The following MYLK variants were observed in gnomAD, a reference collection of about 807,000 sequenced individuals.
MYLK encodes the protein myosin light chain kinase, also known as myosin light chain kinase, smooth muscle.
MYLK carries 106 observed loss-of-function variants against 203.4 expected under a neutral mutation model. The observed-to-expected ratio is 0.52, with a 90% CI of 0.45 to 0.61. The LOEUF (loss-of-function observed/expected upper bound fraction) is 0.61. Among genes scored for constraint, MYLK ranks in the 20% least tolerant of loss-of-function variants. The pLI is 0.00. For missense variants in MYLK, 2,072 were observed against 2,442.3 expected (o/e 0.85, Z 3.20); for synonymous variants, 867 against 959.5 (o/e 0.90, Z 1.78).
At chr3:123,867,763 C>G (rs1323124023) in intron 2 of MYLK, among the ~76,000 whole-genome samples, 1 of 152,192 alleles carries the variant, frequency 6.6e-6, no homozygotes, top group African/African-American at 2.4e-5. Context: ...ACAACCCAAA[C>G]AAATGCATAC....
Position 123,722,263 on chromosome 3 carries a change from C to A in MYLK, c.1669G>T (p.Ala557Ser). The A allele has an allele frequency of 1.3e-6, 2 of 1,569,852 alleles. No individual in the cohort carries two copies. Among genetic ancestry groups the A allele is most frequent in the Non-Finnish European group, 1.7e-6 (2 of 1,156,766 alleles). The change falls in exon 13 of 34, where the codon GCT becomes TCT. Residue 557 changes from alanine to serine, a missense_variant. Around this residue, in one of 3 missense-constraint regions of MYLK, gnomAD observed 865 missense variants for 1,016.0 expected, o/e 0.85. Coordinates refer to ENST00000360304, the MANE Select transcript of MYLK (RefSeq NM_053025.4). ...WLLNGQPIQY[A>S]RSTCEAGVAE... The stretch of plus-strand genomic sequence containing the variant: ...ACGCCGGCCTCGCAGGTGGAGCGAG[C>A]GTACTGGATGGGCTGCCCTGTGGAG...
chr3:123,646,064 C>T (rs1192873224), intron 27 of MYLK, among the ~76,000 whole-genome samples: 1 of 152,150 alleles, frequency 6.6e-6, no homozygotes, highest in Non-Finnish European at 1.5e-5. Flanking sequence ...GCGGAGGTTG[C>T]AATAAGCCGA....
chr3:123,728,582 AAACAAC>A (rs60294228), intron 11 of MYLK, among the ~76,000 whole-genome samples: 44 of 151,664 alleles, frequency 2.9e-4, no homozygotes, highest in East Asian at 1.4e-3. Flanking sequence ...CCCAAACAAC[AAACAAC>A]AACAACAACA....
chr3:123,760,847 C>A (rs977325980), intron 4 of MYLK, among the ~76,000 whole-genome samples: 4 of 152,168 alleles, frequency 2.6e-5, no homozygotes, highest in Non-Finnish European at 4.4e-5. Flanking sequence ...GAAAAGTGAT[C>A]CTTGTTTTTA....
intron 4 of MYLK, among the ~76,000 whole-genome samples, chr3:123,783,862 G>C (rs891459196): frequency 6.6e-6 from 1 of 152,160 alleles, no homozygotes; most frequent in East Asian, 1.9e-4. Flanking sequence ...AGTCCCACAG[G>C]AGTGATGAGA....
At position 123,726,801 on chromosome 3, in the gene MYLK, C is replaced by A. The variant is rs1869865; in HGVS notation, c.1517-723G>T. 6.3e-3 allele frequency among the ~76,000 whole-genome samples: 958 copies of A among 152,166 alleles called. 12 individuals carry two copies. Among genetic ancestry groups the A allele is most frequent in the African/African-American group, 0.022 (915 of 41,498 alleles). On this transcript the variant is annotated intron_variant, in intron 11 of 33. Coordinates refer to ENST00000360304, the MANE Select transcript of MYLK (RefSeq NM_053025.4). The stretch of plus-strand genomic sequence containing the variant: ...TAGGGGACATTTTCTAGTTTGGGGA[C>A]CTTAATTAAGAGCAATAGGGATAAT...
intron 27 of MYLK, among the ~76,000 whole-genome samples, chr3:123,643,821 G>A (rs1346271705): frequency 6.6e-6 from 1 of 152,252 alleles, no homozygotes; most frequent in Non-Finnish European, 1.5e-5. Flanking sequence ...TCCGCTCCTT[G>A]CCCTATGGCA....
rs772503601 is a variant in MYLK, at chr3:123,657,444, CACA to C, written c.3986-19_3986-17del. The C allele has an allele frequency of 1.2e-6, 2 of 1,612,140 alleles. No homozygotes were observed. The highest frequency in any genetic ancestry group is 1.1e-5 in the South Asian group (1 of 90,904). The stretch of plus-strand genomic sequence containing the variant: ...TCTGGCTTATCTGGGGATAAAGAAG[CACA>C]ACATCACCCACACTTTCCAGAATTG... On this transcript the variant is annotated splice_polypyrimidine_tract_variant and intron_variant, in intron 23 of 33. Transcript: ENST00000360304.
chr3:123,691,983 G>A (rs1246435873), intron 19 of MYLK: 2 of 152,456 alleles, frequency 1.3e-5, no homozygotes, highest in African/African-American at 2.4e-5. Flanking sequence ...TAAAATGAGG[G>A]TGTTCATCTA....
At chr3:123,854,390 C>T (rs570835618) in intron 2 of MYLK, among the ~76,000 whole-genome samples, 1 of 152,044 alleles carries the variant, frequency 6.6e-6, no homozygotes, top group African/African-American at 2.4e-5. Context: ...AAATCTGCAC[C>T]ATCTTGCTAT....
intron 3 of MYLK, among the ~76,000 whole-genome samples, chr3:123,822,063 T>C (rs904606696): frequency 1.3e-5 from 2 of 152,202 alleles, no homozygotes; most frequent in Non-Finnish European, 2.9e-5. Flanking sequence ...TCTTGCTCTC[T>C]TATTCTCTCT....
intron 1 of MYLK, among the ~76,000 whole-genome samples, chr3:123,878,351 C>T (rs183380741): frequency 6.6e-6 from 1 of 152,340 alleles, no homozygotes; most frequent in East Asian, 1.9e-4. Flanking sequence ...GCCCCCAAAC[C>T]CGGGGCATCT....
chr3:123,697,192 G>A (rs1323763260), intron 18 of MYLK, among the ~76,000 whole-genome samples: 2 of 152,218 alleles, frequency 1.3e-5, no homozygotes, highest in Non-Finnish European at 2.9e-5. Context: ...TGCTTAAATG[G>A]TGACTGATAG....
chr3:123,735,546 C>A, intron 8 of MYLK, 130 bp from the exon 9 acceptor site: 5 of 1,015,920 alleles, frequency 4.9e-6, no homozygotes, highest in Non-Finnish European at 6.2e-6. Flanking sequence ...TGGTGCTGAA[C>A]GTCTTTGGCC....
chr3:123,627,598 C>T (rs181839521), intron 30 of MYLK, among the ~76,000 whole-genome samples: 68 of 152,204 alleles, frequency 4.5e-4, no homozygotes, highest in Non-Finnish European at 9.0e-4. Context: ...CCTAAAGAAC[C>T]AAATGCTAAC....
In MYLK at chr3:123,733,787, G is replaced by A; in HGVS notation, c.1209C>T (p.Ile403=). ...DVVSKAANRR[I]PMEGQRDSAF... ...CTGAATCCCTCTGGCCCTCCATGGGGATTCTCCTGTTAGCAGCCTTGCTCA... is the reference window on the plus strand; with the variant it reads ...CTGAATCCCTCTGGCCCTCCATGGGAATTCTCCTGTTAGCAGCCTTGCTCA... The change falls in exon 10 of 34, where the codon ATC becomes ATT. Residue 403 remains isoleucine, a synonymous_variant. Coordinates refer to ENST00000360304, the MANE Select transcript of MYLK (RefSeq NM_053025.4). The A allele has an allele frequency of 6.2e-7, 1 of 1,614,222 alleles. No individual in the cohort carries two copies. The highest frequency in any genetic ancestry group is 8.5e-7 in the Non-Finnish European group (1 of 1,180,040).
chr3:123,682,916 G>A (rs1290768338), intron 19 of MYLK, among the ~76,000 whole-genome samples: 1 of 152,168 alleles, frequency 6.6e-6, no homozygotes, highest in Non-Finnish European at 1.5e-5. Flanking sequence ...CAGGCCCAGT[G>A]AAGCTGGGCA....
chr3:123,828,764 C>A (rs1301232884), intron 3 of MYLK, among the ~76,000 whole-genome samples: 1 of 151,926 alleles, frequency 6.6e-6, no homozygotes, highest in Non-Finnish European at 1.5e-5. Context: ...AGCAGAAAAA[C>A]AATCTGATTA....
At chr3:123,860,320 G>T (rs548211254) in intron 2 of MYLK, among the ~76,000 whole-genome samples, 2 of 152,194 alleles carry the variant, frequency 1.3e-5, no homozygotes, top group African/African-American at 2.4e-5. Context: ...CAAGGCCTGC[G>T]TTGCACTGGG....
Sources: gnomAD v4.1 joint callset for allele counts (sites outside exome capture counted in the v4.1 genomes callset) on GRCh38, gnomAD v4.1.1 for gene constraint, gnomAD v4.1.1 regional missense constraint, MANE v1.5 for transcripts, NCBI Gene and HGNC (gene_info 2026-07-23, HGNC 2026-07-21) for gene names.